The following PDGFC variants were observed in gnomAD, a reference collection of about 807,000 sequenced individuals.
PDGFC encodes platelet derived growth factor C.
In PDGFC, 12 loss-of-function variants were observed where a neutral mutation model predicts 35.5. That is an observed-to-expected ratio of 0.34 (90% CI 0.22 to 0.55). The LOEUF is 0.55. PDGFC is among the 20% of genes least tolerant of loss of function. The pLI, the probability that PDGFC is intolerant of heterozygous loss-of-function variation, is 0.91. For synonymous variants in PDGFC, 159 were observed against 148.8 expected (o/e 1.07, Z -0.50); for missense variants, 322 against 412.4 (o/e 0.78, Z 1.90).
At chr4:156,938,660 T>C (rs541858575) in intron 1 of PDGFC, among the ~76,000 whole-genome samples, 8 of 152,082 alleles carry the variant, frequency 5.3e-5, no homozygotes, top group African/African-American at 1.7e-4. Flanking sequence ...TATGAGTAAG[T>C]ATTCATATGT....
At chr4:156,839,037 G>T (rs1041234308) in intron 2 of PDGFC, among the ~76,000 whole-genome samples, 1 of 152,210 alleles carries the variant, frequency 6.6e-6, no homozygotes, top group Non-Finnish European at 1.5e-5. Context: ...GGATGTGGGG[G>T]TTGAAAGGAA....
intron 1 of PDGFC, among the ~76,000 whole-genome samples, chr4:156,914,534 T>G (rs963306036): frequency 6.6e-6 from 1 of 152,230 alleles, no homozygotes; most frequent in South Asian, 2.1e-4. Context: ...GCCAAAGTTA[T>G]CACTGATCCC....
intron 1 of PDGFC, among the ~76,000 whole-genome samples, chr4:156,904,912 A>C (rs2110780812): frequency 6.6e-6 from 1 of 152,284 alleles, no homozygotes; most frequent in African/African-American, 2.4e-5. Flanking sequence ...TTGCTGGCAT[A>C]TAATATTTGC....
intron 1 of PDGFC, among the ~76,000 whole-genome samples, chr4:156,947,397 C>T (rs955314569): frequency 6.6e-6 from 1 of 152,004 alleles, no homozygotes; most frequent in Non-Finnish European, 1.5e-5. Context: ...AGCTAATGCA[C>T]TTTCAGGGGT....
At chr4:156,865,453 T>A (rs1729817540) in intron 1 of PDGFC, among the ~76,000 whole-genome samples, 3 of 152,182 alleles carry the variant, frequency 2.0e-5, no homozygotes, top group Admixed American at 2.0e-4. Flanking sequence ...ATATAGTAGA[T>A]AACTCAATTG....
intron 1 of PDGFC, among the ~76,000 whole-genome samples, chr4:156,904,149 G>A (rs1396315244): frequency 6.6e-6 from 1 of 152,024 alleles, no homozygotes; most frequent in Non-Finnish European, 1.5e-5. Flanking sequence ...ATGGGATGAG[G>A]GAAATAAGGC....
chr4:156,797,241 A>T (rs1307448970), intron 3 of PDGFC, among the ~76,000 whole-genome samples: 1 of 151,914 alleles, frequency 6.6e-6, no homozygotes, highest in African/African-American at 2.4e-5. Context: ...CAGTCTAAAA[A>T]AAAAAAAGAA....
At chr4:156,951,854 A>T (rs1182795162) in intron 1 of PDGFC, among the ~76,000 whole-genome samples, 1 of 151,676 alleles carries the variant, frequency 6.6e-6, no homozygotes, top group East Asian at 1.9e-4. Context: ...ACATACACAA[A>T]CTCTGAGCCA....
chr4:156,824,325 T>TACACATATACAC (rs60087416), intron 2 of PDGFC, among the ~76,000 whole-genome samples: 40 of 109,590 alleles, frequency 3.6e-4, no homozygotes, highest in African/African-American at 1.7e-3. Flanking sequence ...TATATATATA[T>TACACATATACAC]ATACACACAC....
At chr4:156,835,387 A>G (rs908772773) in intron 2 of PDGFC, among the ~76,000 whole-genome samples, 1 of 152,226 alleles carries the variant, frequency 6.6e-6, no homozygotes, top group South Asian at 2.1e-4. Flanking sequence ...AGGATCATAC[A>G]TAAGTCAACA....
At chr4:156,779,572 T>G (rs1713709304) in intron 3 of PDGFC, among the ~76,000 whole-genome samples, 1 of 152,194 alleles carries the variant, frequency 6.6e-6, no homozygotes, top group Non-Finnish European at 1.5e-5. Flanking sequence ...TCAAAGGCCA[T>G]GAGTTTCATG....
intron 1 of PDGFC, among the ~76,000 whole-genome samples, chr4:156,909,873 C>T (rs1730999164): frequency 6.6e-6 from 1 of 151,980 alleles, no homozygotes; most frequent in African/African-American, 2.4e-5. Context: ...TACATTGTAC[C>T]CTAAATCCAG....
intron 1 of PDGFC, among the ~76,000 whole-genome samples, chr4:156,859,258 C>T (rs1729652987): frequency 6.6e-6 from 1 of 152,092 alleles, no homozygotes; most frequent in South Asian, 2.1e-4. Flanking sequence ...TTTACTGCTT[C>T]CTGTTCCATT....
intron 2 of PDGFC, among the ~76,000 whole-genome samples, chr4:156,828,060 G>A (rs1319344619): frequency 2.0e-5 from 3 of 152,132 alleles, no homozygotes; most frequent in African/African-American, 4.8e-5. Flanking sequence ...TACTTCCGCC[G>A]GAAATGTTAT....
At chr4:156,929,205 A>T (rs1731489952) in intron 1 of PDGFC, among the ~76,000 whole-genome samples, 1 of 152,180 alleles carries the variant, frequency 6.6e-6, no homozygotes, top group Non-Finnish European at 1.5e-5. Flanking sequence ...TACAATATAC[A>T]AATCAGTCAA....
intron 1 of PDGFC, among the ~76,000 whole-genome samples, chr4:156,895,227 T>A (rs923640301): frequency 6.6e-6 from 1 of 152,166 alleles, no homozygotes; most frequent in Non-Finnish European, 1.5e-5. Context: ...TTCACTTAGT[T>A]CTCAAGGTCT....
chr4:156,851,074 G>C (rs1002301873), intron 1 of PDGFC, among the ~76,000 whole-genome samples: 1 of 152,048 alleles, frequency 6.6e-6, no homozygotes, highest in South Asian at 2.1e-4. Context: ...TTTAGGAATT[G>C]AGCTGGCAAA....
chr4:156,763,816 G>A (rs1357262649), intron 5 of PDGFC, among the ~76,000 whole-genome samples: 2 of 152,138 alleles, frequency 1.3e-5, no homozygotes, highest in East Asian at 3.9e-4. Flanking sequence ...GGATCCTACT[G>A]TGCAGTGAGA....
At chr4:156,875,086 C>G (rs1169889102) in intron 1 of PDGFC, among the ~76,000 whole-genome samples, 1 of 151,890 alleles carries the variant, frequency 6.6e-6, no homozygotes, top group Non-Finnish European at 1.5e-5. Context: ...TGTGTATGGC[C>G]ATTCAGATAT....
Sources: allele counts gnomAD v4.1 joint callset (sites outside exome capture counted in the v4.1 genomes callset), GRCh38; gene constraint gnomAD v4.1.1; transcripts MANE v1.5; gene names NCBI Gene and HGNC (gene_info 2026-07-23, HGNC 2026-07-21).